PRKAG2: variants seen among roughly 807,000 people sequenced by gnomAD.
PRKAG2 encodes the protein 5'-AMP-activated protein kinase subunit gamma-2.
PRKAG2 carries 26 observed loss-of-function variants against 69.6 expected under a neutral mutation model. The ratio of observed to expected loss-of-function variants is 0.37; its 90% CI spans 0.27 to 0.52. The LOEUF (loss-of-function observed/expected upper bound fraction) is 0.52, where lower values mean the gene tolerates loss of function less well. Among genes scored for constraint, PRKAG2 ranks in the 20% least tolerant of loss-of-function variants. The pLI is 0.90. For synonymous variants in PRKAG2, 293 were observed against 285.0 expected (o/e 1.03, Z -0.28); for missense variants, 557 against 740.0 (o/e 0.75, Z 2.87).
At chr7:151,620,340 A>ATTCT (rs1002778628) in intron 5 of PRKAG2, among the ~76,000 whole-genome samples, 1 of 144,778 alleles carries the variant, frequency 6.9e-6, no homozygotes, top group Admixed American at 7.2e-5. Context: ...TCTCTCTCTC[A>ATTCT]TTCTTTCTTT....
intron 3 of PRKAG2, among the ~76,000 whole-genome samples, chr7:151,766,847 A>G (rs1224500921): frequency 6.6e-6 from 1 of 152,216 alleles, no homozygotes; most frequent in African/African-American, 2.4e-5. Flanking sequence ...CATTCAGCAC[A>G]TCAATCGTGG....
intron 5 of PRKAG2, among the ~76,000 whole-genome samples, chr7:151,622,901 C>T (rs527792691): frequency 6.6e-6 from 1 of 152,230 alleles, no homozygotes; most frequent in East Asian, 1.9e-4. Flanking sequence ...ACATCCCAGG[C>T]CCTCTAATGC....
intron 5 of PRKAG2, among the ~76,000 whole-genome samples, chr7:151,630,342 T>G (rs551096767): frequency 2.0e-5 from 3 of 152,326 alleles, no homozygotes; most frequent in African/African-American, 7.2e-5. Flanking sequence ...AGAATCTCTG[T>G]GTTGGGTTTC....
chr7:151,688,204 C>T lies in PRKAG2; in HGVS notation c.467-12567G>A, dbSNP rs536509184. ...CAGGGGAAAGGCTTCCTGGCCCTGG[C>T]GGCAGGATGGGGCCAGAATATTCCT... On this transcript the variant is annotated intron_variant, in intron 3 of 15. Coordinates refer to ENST00000287878, the MANE Select transcript of PRKAG2 (RefSeq NM_016203.4). 4.0e-3 allele frequency among the ~76,000 whole-genome samples: 604 copies of T among 152,234 alleles called. 2 individuals carry two copies. Among genetic ancestry groups the T allele is most frequent in the African/African-American group, 0.013 (554 of 41,550 alleles).
At chr7:151,651,361 C>T (rs573620232) in intron 4 of PRKAG2, among the ~76,000 whole-genome samples, 60 of 152,288 alleles carry the variant, frequency 3.9e-4, no homozygotes, top group African/African-American at 1.4e-3. Flanking sequence ...AATCCCAGCA[C>T]TTTGGGAGGC....
At chr7:151,870,173 G>A (rs1348471544) in intron 1 of PRKAG2, among the ~76,000 whole-genome samples, 25 of 150,718 alleles carry the variant, frequency 1.7e-4, no homozygotes, top group East Asian at 7.8e-4. Flanking sequence ...AGGCAGGCAG[G>A]CAGGCAGGCA....
chr7:151,739,054 G>A (rs1445573672), intron 3 of PRKAG2, among the ~76,000 whole-genome samples: 2 of 151,556 alleles, frequency 1.3e-5, no homozygotes, highest in African/African-American at 2.4e-5. Flanking sequence ...AACCGGGTTC[G>A]GGTCTCCCCA....
intron 4 of PRKAG2, among the ~76,000 whole-genome samples, chr7:151,642,756 AG>A (rs1441001065): frequency 2.0e-5 from 3 of 152,230 alleles, no homozygotes; most frequent in African/African-American, 7.2e-5. Context: ...CCTGTTTCAA[AG>A]GAAGTATTGT....
At chr7:151,820,948 A>ACC (rs59127176) in intron 1 of PRKAG2, among the ~76,000 whole-genome samples, 118 of 151,272 alleles carry the variant, frequency 7.8e-4, no homozygotes, top group South Asian at 2.9e-3. Flanking sequence ...TATTCTTAGG[A>ACC]CCCCCCCCAG....
intron 1 of PRKAG2, among the ~76,000 whole-genome samples, chr7:151,832,607 C>A (rs1405415953): frequency 8.1e-6 from 1 of 123,210 alleles, no homozygotes; most frequent in Admixed American, 9.1e-5. Flanking sequence ...GGGGGGGGGT[C>A]CCAGCACAGC....
intron 6 of PRKAG2, among the ~76,000 whole-genome samples, chr7:151,581,954 A>AT (rs1213002732): frequency 5.9e-5 from 9 of 152,204 alleles, no homozygotes; most frequent in African/African-American, 2.2e-4. Flanking sequence ...ACTGCCTAAC[A>AT]CCAATTCTTA....
chr7:151,712,736 G>C (rs1339837020), intron 3 of PRKAG2, among the ~76,000 whole-genome samples: 1 of 152,232 alleles, frequency 6.6e-6, no homozygotes, highest in Non-Finnish European at 1.5e-5. Flanking sequence ...CCGGGGCCAC[G>C]CTGTGCTGAG....
At chr7:151,702,353 T>C (rs1837861462) in intron 3 of PRKAG2, among the ~76,000 whole-genome samples, 1 of 152,192 alleles carries the variant, frequency 6.6e-6, no homozygotes, top group Admixed American at 6.5e-5. Context: ...ACACTGACTC[T>C]CTTCCCTGAC....
intron 11 of PRKAG2, 93 bp from the exon 12 acceptor site, chr7:151,565,978 A>T: frequency 1.4e-6 from 2 of 1,436,502 alleles, no homozygotes; most frequent in Non-Finnish European, 2.0e-6. Context: ...ATGTCCAACA[A>T]ATTAAAGTTA....
At chr7:151,869,873 T>C (rs889504550) in intron 1 of PRKAG2, among the ~76,000 whole-genome samples, 4 of 152,134 alleles carry the variant, frequency 2.6e-5, no homozygotes, top group Admixed American at 2.0e-4. Flanking sequence ...AAGGTTCCCA[T>C]AGCATACTCT....
At chr7:151,830,787 C>CGGGGCG (rs753099763) in intron 1 of PRKAG2, among the ~76,000 whole-genome samples, 1 of 114,422 alleles carries the variant, frequency 8.7e-6, no homozygotes, top group East Asian at 2.5e-4. Flanking sequence ...GGGGGCGGGG[C>CGGGGCG]GGGGGGGGGT....
At position 151,832,246 on chromosome 7, in the gene PRKAG2, AGGAAGGGAGGAG is replaced by A. The variant is rs1206794248; in HGVS notation, c.114+44249_114+44260del. Among the ~76,000 whole-genome samples, 66 of 18,298 alleles carry A rather than the reference AGGAAGGGAGGAG, an allele frequency of 3.6e-3. 1 individual carries two copies. The highest frequency in any genetic ancestry group is 8.9e-3 in the African/African-American group (57 of 6,414). The allele number at this position is 18,298 out of a possible 152,430, so 12.0% of individuals were successfully genotyped here. A position where few individuals can be genotyped will look rare whatever the true frequency, so the allele number is the denominator to read the frequency against. On this transcript the variant is annotated intron_variant, in intron 1 of 15. Transcript: ENST00000287878. Reference sequence around the variant, plus strand: ...GAGGAGGGAAGGAGAGGAGGAGGGAAGGAAGGGAGGAGGGAAGGAAGGGAGGAGGGAAGGAAG... The same window carrying A: ...GAGGAGGGAAGGAGAGGAGGAGGGAAGGAAGGAAGGGAGGAGGGAAGGAAG...
chr7:151,687,692 C>CA (rs1563429924), intron 3 of PRKAG2, among the ~76,000 whole-genome samples: 1 of 152,218 alleles, frequency 6.6e-6, no homozygotes, highest in Non-Finnish European at 1.5e-5. Flanking sequence ...ATCTACCCCC[C>CA]ACCCCAGAAG....
chr7:151,664,688 C>T (rs1455719981), intron 4 of PRKAG2, among the ~76,000 whole-genome samples: 1 of 152,188 alleles, frequency 6.6e-6, no homozygotes, highest in Non-Finnish European at 1.5e-5. Flanking sequence ...ATTGACATTG[C>T]CAGCCCAAGT....
Sources: gnomAD v4.1 joint callset for allele counts (sites outside exome capture counted in the v4.1 genomes callset) on GRCh38, gnomAD v4.1.1 for gene constraint, MANE v1.5 for transcripts, NCBI Gene and HGNC (gene_info 2026-07-23, HGNC 2026-07-21) for gene names.